The following FERMT2 variants were observed in gnomAD, a reference collection of about 807,000 sequenced individuals.
The protein encoded by FERMT2 is fermitin family homolog 2.
A neutral mutation model predicts 82.7 loss-of-function variants in FERMT2; 15 were observed. The ratio of observed to expected loss-of-function variants is 0.18; its 90% CI spans 0.12 to 0.28. FERMT2 has a LOEUF of 0.28. Ranked by LOEUF, FERMT2 falls within the 10% of genes least tolerant of loss-of-function variation. The pLI, the probability that FERMT2 is intolerant of heterozygous loss-of-function variation, is 1.00. For missense variants in FERMT2, 645 were observed against 809.4 expected, an observed-to-expected ratio of 0.80 and a Z score of 2.46; for synonymous variants, 274 against 271.5, an observed-to-expected ratio of 1.01 and a Z score of -0.09.
chr14:52,927,238 T>TCACACA (rs1889323189), intron 2 of FERMT2, among the ~76,000 whole-genome samples: 1 of 152,014 alleles, frequency 6.6e-6, no homozygotes, highest in Non-Finnish European at 1.5e-5. Context: ...GCTTTTGGTA[T>TCACACA]CACAGTGCTC....
At chr14:52,875,658 CTTT>C (rs536391034) in intron 7 of FERMT2, among the ~76,000 whole-genome samples, 2 of 145,646 alleles carry the variant, frequency 1.4e-5, no homozygotes, top group Non-Finnish European at 3.0e-5. Flanking sequence ...AGATTTTTGA[CTTT>C]TTTTTTTTTC....
chr14:52,916,123 C>T (rs1451636982), intron 3 of FERMT2, among the ~76,000 whole-genome samples: 2 of 152,030 alleles, frequency 1.3e-5, no homozygotes, highest in African/African-American at 2.4e-5. Context: ...GTGGGTGGAT[C>T]GCCTGAGGTC....
At chr14:52,892,159 G>GGTTTTTT (rs1555368978) in intron 4 of FERMT2, among the ~76,000 whole-genome samples, 33 of 78,804 alleles carry the variant, frequency 4.2e-4, no homozygotes, top group African/African-American at 1.3e-3. Context: ...AGAGAAGGCT[G>GGTTTTTT]TTTTTTGTTT....
At chr14:52,948,616 G>C (rs1474306576) in intron 2 of FERMT2, 2 of 453,996 alleles carry the variant, frequency 4.4e-6, no homozygotes, top group African/African-American at 4.0e-5. Flanking sequence ...AGCATTAAAA[G>C]ATTAAGATTA....
intron 2 of FERMT2, chr14:52,928,266 CT>C (rs1383033001): frequency 4.9e-6 from 1 of 202,032 alleles, no homozygotes; most frequent in Non-Finnish European, 1.1e-5. Flanking sequence ...GCACAGATAA[CT>C]TTTCTGGGCA....
chr14:52,942,239 G>A (rs1890119050), intron 2 of FERMT2, among the ~76,000 whole-genome samples: 1 of 151,178 alleles, frequency 6.6e-6, no homozygotes, highest in Non-Finnish European at 1.5e-5. Context: ...TATACATGTA[G>A]TATCAATATA....
intron 14 of FERMT2, chr14:52,859,213 T>G (rs557695417): frequency 5.9e-6 from 1 of 170,610 alleles, no homozygotes; most frequent in Non-Finnish European, 1.2e-5. Context: ...TCCAACTGCC[T>G]TAAAAGGCTG....
chr14:52,943,467 A>T (rs943074976), intron 2 of FERMT2, among the ~76,000 whole-genome samples: 1 of 152,156 alleles, frequency 6.6e-6, no homozygotes, highest in Non-Finnish European at 1.5e-5. Context: ...TTTCAACTAA[A>T]TGCGAAATGA....
At chr14:52,886,505 A>G (rs779358951) in intron 4 of FERMT2, among the ~76,000 whole-genome samples, 6 of 152,118 alleles carry the variant, frequency 3.9e-5, no homozygotes, top group Non-Finnish European at 5.9e-5. Context: ...TCTGGGATAT[A>G]TGTGACAGAA....
At chr14:52,903,990 CAG>C (rs1355604799) in intron 3 of FERMT2, among the ~76,000 whole-genome samples, 2 of 152,144 alleles carry the variant, frequency 1.3e-5, no homozygotes, top group Non-Finnish European at 2.9e-5. Context: ...AGGAGAATAA[CAG>C]AAAGTAAACG....
chr14:52,894,781 G>T (rs574973510), intron 3 of FERMT2, among the ~76,000 whole-genome samples: 4 of 151,434 alleles, frequency 2.6e-5, no homozygotes, highest in Non-Finnish European at 5.9e-5. Flanking sequence ...TGATCTAAAT[G>T]TAACAGTCAA....
chr14:52,931,388 T>C (rs1047162650), intron 2 of FERMT2, among the ~76,000 whole-genome samples: 3 of 152,246 alleles, frequency 2.0e-5, no homozygotes, highest in Non-Finnish European at 2.9e-5. Flanking sequence ...GAAACCATCC[T>C]GTAGACAATG....
chr14:52,861,038 T>TAGA lies in FERMT2; in HGVS notation c.1603-576_1603-574dup, dbSNP rs780785228. 31 of 1,507,348 alleles carry TAGA rather than the reference T, an allele frequency of 2.1e-5. 1 individual carries two copies. The South Asian group carries it at 4.1e-4, about 20-fold the overall frequency. 93.4% of individuals were successfully genotyped at this position (1,507,348 alleles called of 1,614,324 possible). A position where few individuals can be genotyped will look rare whatever the true frequency, so the allele number is the denominator to read the frequency against. On this transcript the variant is annotated intron_variant, in intron 12 of 14. Transcript: ENST00000341590. Reference sequence around the variant, plus strand: ...CCAAATCTCTTATATAGCCTGGCTGTAGATGGCAATGCGAGGAAAGAAAAA... The same window carrying TAGA: ...CCAAATCTCTTATATAGCCTGGCTGTAGAAGATGGCAATGCGAGGAAAGAAAAA...
intron 4 of FERMT2, among the ~76,000 whole-genome samples, chr14:52,886,464 AG>A (rs1444124112): frequency 1.3e-5 from 2 of 152,130 alleles, no homozygotes; most frequent in African/African-American, 2.4e-5. Flanking sequence ...CCAAGTAGCT[AG>A]GACTACAGGT....
intron 12 of FERMT2, chr14:52,860,894 A>G (rs1884887447): frequency 2.7e-6 from 2 of 747,222 alleles, no homozygotes; most frequent in African/African-American, 1.8e-5. Flanking sequence ...ACTTGAAATC[A>G]CCATAATCAT....
intron 12 of FERMT2, chr14:52,861,131 C>A: frequency 9.3e-7 from 1 of 1,074,216 alleles, no homozygotes; most frequent in Non-Finnish European, 1.3e-6. Context: ...GTTGCGGTCA[C>A]CTGCAAACCA....
At chr14:52,922,417 A>C (rs188858188) in intron 2 of FERMT2, among the ~76,000 whole-genome samples, 9 of 152,220 alleles carry the variant, frequency 5.9e-5, no homozygotes, top group Admixed American at 5.9e-4. Context: ...AGTGCAGGTG[A>C]ACTACAGTGA....
At chr14:52,867,013 T>A (rs147676727) in intron 10 of FERMT2, among the ~76,000 whole-genome samples, 5 of 152,126 alleles carry the variant, frequency 3.3e-5, no homozygotes, top group Middle Eastern at 3.4e-3. Flanking sequence ...GTCTCTCCCA[T>A]CTTACACCAC....
chr14:52,912,266 T>A (rs1027217709), intron 3 of FERMT2, among the ~76,000 whole-genome samples: 1 of 152,186 alleles, frequency 6.6e-6, no homozygotes, highest in African/African-American at 2.4e-5. Flanking sequence ...AATTTCATAA[T>A]CAAGTGCCTT....
Sources: allele counts gnomAD v4.1 joint callset (sites outside exome capture counted in the v4.1 genomes callset), GRCh38; gene constraint gnomAD v4.1.1; transcripts MANE v1.5; gene names NCBI Gene and HGNC (gene_info 2026-07-23, HGNC 2026-07-21).